Variants in PTPRD observed in about 807,000 individuals in gnomAD.
PTPRD encodes receptor-type tyrosine-protein phosphatase delta.
PTPRD carries 34 observed loss-of-function variants against 214.5 expected under a neutral mutation model. That is an observed-to-expected ratio of 0.16 (90% CI 0.12 to 0.21). PTPRD has a LOEUF of 0.21. Ranked by LOEUF, PTPRD falls within the 10% of genes least tolerant of loss-of-function variation. The pLI is 1.00. For missense variants in PTPRD, 2,545 were observed against 2,398.7 expected, an observed-to-expected ratio of 1.06 and a Z score of -1.27; for synonymous variants, 1,128 against 845.7, an observed-to-expected ratio of 1.33 and a Z score of -5.79.
Position 10,089,427 on chromosome 9 carries a change from C to G in PTPRD, c.-544-55637G>C, listed in dbSNP as rs548687006. 3.6e-4 allele frequency among the ~76,000 whole-genome samples: 55 copies of G among 151,518 alleles called. No individual in the cohort carries two copies. The South Asian group carries it at 0.011, about 30-fold the overall frequency. On this transcript the variant is annotated intron_variant, in intron 3 of 45. Transcript: ENST00000381196. ...AAAGTATGGCATGTAAAAAAATGTT[C>G]TGACACAGTAATGGCTATCATAAGA...
chr9:9,111,561 T>C (rs774492468), intron 10 of PTPRD, among the ~76,000 whole-genome samples: 3 of 152,128 alleles, frequency 2.0e-5, no homozygotes, highest in Non-Finnish European at 4.4e-5. Flanking sequence ...ACTTTGGGAA[T>C]TGCCAAAAGT....
intron 3 of PTPRD, among the ~76,000 whole-genome samples, chr9:10,279,792 C>T (rs1170998834): frequency 1.3e-5 from 2 of 151,854 alleles, no homozygotes; most frequent in Non-Finnish European, 1.5e-5. Context: ...GTGGCGTAGT[C>T]ACTAAGTGTG....
chr9:8,854,085 A>G (rs2097866719), intron 11 of PTPRD, among the ~76,000 whole-genome samples: 1 of 152,162 alleles, frequency 6.6e-6, no homozygotes, highest in Non-Finnish European at 1.5e-5. Context: ...AATCCTGTAT[A>G]TTTCGTGACC....
intron 35 of PTPRD, among the ~76,000 whole-genome samples, chr9:8,435,040 A>C (rs77625560): frequency 2.1e-3 from 319 of 152,354 alleles, no homozygotes; most frequent in Non-Finnish European, 3.4e-3. Flanking sequence ...TAACTTCACC[A>C]AGAGGCAAGG....
rs192921146 is a variant in PTPRD, at chr9:10,061,637, T to C, written c.-544-27847A>G. 2.0e-5 allele frequency among the ~76,000 whole-genome samples: 3 copies of C among 152,194 alleles called. 1 individual carries two copies. The highest frequency in any genetic ancestry group is 4.4e-5 in the Non-Finnish European group (3 of 67,992). The stretch of plus-strand genomic sequence containing the variant: ...ATTTAATAAAAGCTGCCACTATTTC[T>C]AATGCCCAAATTAGGAAATTTAAGA... On this transcript the variant is annotated intron_variant, in intron 3 of 45. Coordinates refer to ENST00000381196, the MANE Select transcript of PTPRD (RefSeq NM_002839.4).
At chr9:9,783,118 T>C (rs1483842217) in intron 5 of PTPRD, among the ~76,000 whole-genome samples, 1 of 152,228 alleles carries the variant, frequency 6.6e-6, no homozygotes, top group Non-Finnish European at 1.5e-5. Flanking sequence ...AAAAGACTAA[T>C]GTTGAAACTT....
intron 5 of PTPRD, among the ~76,000 whole-genome samples, chr9:9,789,867 C>T (rs1002575751): frequency 7.1e-6 from 1 of 139,866 alleles, no homozygotes; most frequent in Non-Finnish European, 1.5e-5. Context: ...GCAAATCAAA[C>T]TTAAGGTAAA....
intron 2 of PTPRD, among the ~76,000 whole-genome samples, chr9:10,456,676 T>C (rs935576754): frequency 6.6e-6 from 1 of 151,886 alleles, no homozygotes; most frequent in African/African-American, 2.4e-5. Flanking sequence ...GATTCAGAGA[T>C]TCATCTTTTT....
At chr9:9,911,212 T>A (rs972631831) in intron 5 of PTPRD, among the ~76,000 whole-genome samples, 1 of 152,072 alleles carries the variant, frequency 6.6e-6, no homozygotes, top group Admixed American at 6.6e-5. Context: ...ACAACAACTA[T>A]TATCCTTGTC....
At chr9:8,680,045 T>C (rs976977774) in intron 12 of PTPRD, among the ~76,000 whole-genome samples, 3 of 152,202 alleles carry the variant, frequency 2.0e-5, no homozygotes, top group African/African-American at 7.2e-5. Flanking sequence ...TATTGAAACA[T>C]TTCTTATAAA....
chr9:8,772,412 C>A (rs2095269539), intron 11 of PTPRD, among the ~76,000 whole-genome samples: 1 of 151,824 alleles, frequency 6.6e-6, no homozygotes, highest in African/African-American at 2.4e-5. Context: ...CAGTTAAAAA[C>A]CTCAAGCAGA....
chr9:9,764,147 C>G (rs919540097), intron 6 of PTPRD, among the ~76,000 whole-genome samples: 1 of 152,106 alleles, frequency 6.6e-6, no homozygotes, highest in Non-Finnish European at 1.5e-5. Flanking sequence ...TCTTTGTACC[C>G]TTAGCACCTA....
rs1317093195 is a variant in PTPRD, at chr9:10,352,364, T to C, written c.-599-11347A>G. 2.6e-5 allele frequency among the ~76,000 whole-genome samples: 4 copies of C among 152,060 alleles called. No homozygotes were observed. In the East Asian group the frequency reaches 7.7e-4, roughly 29 times the overall value. On this transcript the variant is annotated intron_variant, in intron 2 of 45. Coordinates refer to ENST00000381196, the MANE Select transcript of PTPRD (RefSeq NM_002839.4). Reference sequence around the variant, plus strand: ...ATCACTTCAATTGGGCAGATTCTTATACTCGATTGAATGTTTTGACCATTC... The same window carrying C: ...ATCACTTCAATTGGGCAGATTCTTACACTCGATTGAATGTTTTGACCATTC...
chr9:8,837,017 A>C (rs2570291), intron 11 of PTPRD, among the ~76,000 whole-genome samples: 1 of 145,558 alleles, frequency 6.9e-6, no homozygotes, highest in Admixed American at 6.9e-5. Context: ...GTGAGCCACC[A>C]CACCCAGCTT....
chr9:9,162,908 T>C (rs1295049668), intron 10 of PTPRD, among the ~76,000 whole-genome samples: 4 of 152,170 alleles, frequency 2.6e-5, no homozygotes, highest in African/African-American at 9.6e-5. Flanking sequence ...ACTCTTTAGC[T>C]AGCTTGCTTA....
chr9:9,138,573 T>C (rs901924670), intron 10 of PTPRD, among the ~76,000 whole-genome samples: 2 of 152,298 alleles, frequency 1.3e-5, no homozygotes, highest in East Asian at 3.9e-4. Flanking sequence ...CTTAACTTTT[T>C]AAAAGTATAG....
At chr9:10,167,628 T>C (rs143076737) in intron 3 of PTPRD, among the ~76,000 whole-genome samples, 2 of 152,180 alleles carry the variant, frequency 1.3e-5, no homozygotes, top group East Asian at 3.8e-4. Context: ...TAAAATAGGA[T>C]GATTTATGAA....
intron 3 of PTPRD, among the ~76,000 whole-genome samples, chr9:10,294,293 T>C (rs10959030): frequency 0.23 from 34,200 of 151,768 alleles, 5,256 homozygotes; most frequent in African/African-American, 0.42. Flanking sequence ...TGTTCATCTA[T>C]TGAAAATACA....
intron 2 of PTPRD, among the ~76,000 whole-genome samples, chr9:10,607,111 A>C (rs537998591): frequency 6.6e-6 from 1 of 151,908 alleles, no homozygotes; most frequent in Non-Finnish European, 1.5e-5. Flanking sequence ...TATATAATCG[A>C]ATATGAAATT....
Sources: gnomAD v4.1 joint callset for allele counts (sites outside exome capture counted in the v4.1 genomes callset) on GRCh38, gnomAD v4.1.1 for gene constraint, MANE v1.5 for transcripts, NCBI Gene and HGNC (gene_info 2026-07-23, HGNC 2026-07-21) for gene names.